The following TRIM37 variants were observed in gnomAD, a reference collection of about 807,000 sequenced individuals.
The protein encoded by TRIM37 is E3 ubiquitin-protein ligase TRIM37.
In TRIM37, 80 loss-of-function variants were observed where a neutral mutation model predicts 129.8. That is an observed-to-expected ratio of 0.62 (90% CI 0.51 to 0.74). TRIM37 has a LOEUF of 0.74. Ranked by LOEUF, TRIM37 falls within the 30% of genes least tolerant of loss-of-function variation. The probability of loss-of-function intolerance (pLI) is 0.00; values close to 1 mark genes in which losing one functional copy is unlikely to be tolerated. For missense variants in TRIM37, 1,054 were observed against 1,176.5 expected (o/e 0.90, Z 1.52); for synonymous variants, 389 against 387.1 (o/e 1.00, Z -0.06).
chr17:59,075,010 A>G (rs2042682121), intron 8 of TRIM37, among the ~76,000 whole-genome samples: 1 of 152,216 alleles, frequency 6.6e-6, no homozygotes, highest in South Asian at 2.1e-4. Context: ...CATGTAAAGT[A>G]ACTGGCAATA....
chr17:59,012,974 T>C (rs776911679), intron 21 of TRIM37, among the ~76,000 whole-genome samples: 10 of 152,164 alleles, frequency 6.6e-5, no homozygotes, highest in Non-Finnish European at 1.5e-4. Context: ...GATATTGTAC[T>C]ACAGTTTTGC....
At chr17:59,030,510 C>T (rs1599004709) in intron 18 of TRIM37, among the ~76,000 whole-genome samples, 1 of 152,190 alleles carries the variant, frequency 6.6e-6, no homozygotes, top group South Asian at 2.1e-4. Context: ...TTTCTTTCTA[C>T]TATTTTCCCC....
chr17:59,043,723 G>A (rs1230954659), intron 16 of TRIM37, among the ~76,000 whole-genome samples: 2 of 152,166 alleles, frequency 1.3e-5, no homozygotes, highest in East Asian at 1.9e-4. Flanking sequence ...CCCTGCCCCA[G>A]CTTATTCATA....
chr17:59,011,242 T>C (rs765546281), intron 22 of TRIM37, among the ~76,000 whole-genome samples: 8 of 151,974 alleles, frequency 5.3e-5, no homozygotes, highest in Non-Finnish European at 8.8e-5. Flanking sequence ...TCAATCATAA[T>C]ATTTCTTTCT....
chr17:59,092,054 CG>C (rs1172881744), intron 2 of TRIM37, among the ~76,000 whole-genome samples: 1 of 150,958 alleles, frequency 6.6e-6, no homozygotes, highest in African/African-American at 2.4e-5. Flanking sequence ...TAAATTAAAC[CG>C]AAAAAAATGA....
chr17:59,027,777 A>G (rs955662091), intron 19 of TRIM37, among the ~76,000 whole-genome samples: 1 of 151,570 alleles, frequency 6.6e-6, no homozygotes, highest in Admixed American at 6.6e-5. Context: ...GTTTTGCAAG[A>G]CTCTCCCTGA....
Position 59,062,655 on chromosome 17 carries a change from A to G in TRIM37, c.861-7T>C. 6.2e-7 allele frequency: 1 copy of G among 1,613,610 alleles called. No individual in the cohort carries two copies. The highest frequency in any genetic ancestry group is 1.1e-5 in the South Asian group (1 of 91,056). On this transcript the variant is annotated splice_region_variant and splice_polypyrimidine_tract_variant and intron_variant, in intron 10 of 23. Transcript: ENST00000262294. ...TGCTCTCTGACGCAAAGTGCTAACG[A>G]AAAAGAAAACCAACCAAATCCCAAG...
At chr17:59,083,770 A>G (rs756878725) in intron 5 of TRIM37, among the ~76,000 whole-genome samples, 13 of 152,148 alleles carry the variant, frequency 8.5e-5, no homozygotes, top group Admixed American at 2.0e-4. Context: ...TGAATAGAGG[A>G]TATGTTTTAT....
At chr17:59,002,738 G>C (rs1829854168) in intron 22 of TRIM37, among the ~76,000 whole-genome samples, 1 of 152,090 alleles carries the variant, frequency 6.6e-6, no homozygotes, top group African/African-American at 2.4e-5. Context: ...GAAAGATAAG[G>C]AACTTTCATT....
At chr17:58,972,802 T>C in the TRIM37 span, 14 of 1,550,564 alleles carry the variant, frequency 9.0e-6, no homozygotes, top group African/African-American at 1.9e-4. Flanking sequence ...AATCCAGTTA[T>C]TTGCTTCTTT....
chr17:59,097,875 C>G (rs2045060211), intron 2 of TRIM37, among the ~76,000 whole-genome samples: 1 of 152,216 alleles, frequency 6.6e-6, no homozygotes, highest in South Asian at 2.1e-4. Context: ...AGCAATATTA[C>G]TCAAAGGCAT....
intron 13 of TRIM37, among the ~76,000 whole-genome samples, chr17:59,055,332 CAAAAAAAAAAAAAAAA>C (rs34519741): frequency 1.5e-5 from 1 of 65,658 alleles, no homozygotes; most frequent in Non-Finnish European, 2.8e-5. Context: ...AACTCTGTCT[CAAAAAAAAAAAAAAAA>C]AAAAAAAAAA....
chr17:59,054,965 TAA>T lies in TRIM37; in HGVS notation c.1199+1908_1199+1909del, dbSNP rs528637402. Among the ~76,000 whole-genome samples, 13 of 152,064 alleles carry T rather than the reference TAA, an allele frequency of 8.5e-5. No homozygotes were observed. The South Asian group carries it at 2.7e-3, about 32-fold the overall frequency. ...ACAGGCGTGAGCCACCACACCTGGC[TAA>T]ATAGGGCTGTTGTTTGAGTCAGTAT... On this transcript the variant is annotated intron_variant, in intron 13 of 23. Coordinates refer to ENST00000262294, the MANE Select transcript of TRIM37 (RefSeq NM_015294.6).
Position 58,998,481 on chromosome 17 carries a change from A to G in TRIM37, c.*896T>C, listed in dbSNP as rs972976089. 2.0e-6 allele frequency: 2 copies of G among 985,356 alleles called. No homozygotes were observed. Among genetic ancestry groups the G allele is most frequent in the Non-Finnish European group, 2.4e-6 (2 of 829,946 alleles). 61.0% of individuals were successfully genotyped at this position (985,356 alleles called of 1,614,324 possible). A position where few individuals can be genotyped will look rare whatever the true frequency, so the allele number is the denominator to read the frequency against. The stretch of plus-strand genomic sequence containing the variant: ...GTTTGGCAACTGTTTTGGGCTAATT[A>G]TGAGTATGAAAGAAAACCTTATATC... On this transcript the variant is annotated 3_prime_UTR_variant, in exon 24 of 24. Transcript: ENST00000262294.
downstream of TRIM37, among the ~76,000 whole-genome samples, chr17:58,978,211 G>A (rs980914845): frequency 6.6e-6 from 1 of 152,210 alleles, no homozygotes; most frequent in Non-Finnish European, 1.5e-5. Flanking sequence ...AGAAGAGCTA[G>A]GATTTGGACC....
At chr17:59,042,430 TTAAAAAAAAAAAAA>T (rs1430970998) in intron 16 of TRIM37, among the ~76,000 whole-genome samples, 1,696 of 92,096 alleles carry the variant, frequency 0.018, 80 homozygotes, top group Middle Eastern at 0.056. Context: ...AAAAAGGAAT[TTAAAAAAAAAAAAA>T]AAAAAATATA....
At chr17:59,007,021 A>G (rs1286260025) in intron 22 of TRIM37, among the ~76,000 whole-genome samples, 2 of 152,036 alleles carry the variant, frequency 1.3e-5, no homozygotes, top group Non-Finnish European at 2.9e-5. Context: ...GAATAAATCA[A>G]TCCTCTTCCA....
chr17:59,046,357 T>G (rs2039795443), intron 16 of TRIM37, among the ~76,000 whole-genome samples: 1 of 152,164 alleles, frequency 6.6e-6, no homozygotes, highest in Non-Finnish European at 1.5e-5. Context: ...TGGGACATAC[T>G]GACATCATGC....
At chr17:59,030,003 G>A (rs928166147) in intron 18 of TRIM37, among the ~76,000 whole-genome samples, 1 of 151,600 alleles carries the variant, frequency 6.6e-6, no homozygotes, top group Admixed American at 6.6e-5. Flanking sequence ...TCAGGATTAT[G>A]TTCCTGGCTC....
Sources: gnomAD v4.1 joint callset for allele counts (sites outside exome capture counted in the v4.1 genomes callset) on GRCh38, gnomAD v4.1.1 for gene constraint, MANE v1.5 for transcripts, NCBI Gene and HGNC (gene_info 2026-07-23, HGNC 2026-07-21) for gene names.